The following LGR6 variants were observed in gnomAD, a reference collection of about 807,000 sequenced individuals.
LGR6 encodes leucine-rich repeat-containing G protein-coupled receptor 6.
LGR6 carries 45 observed loss-of-function variants against 69.4 expected under a neutral mutation model. That is an observed-to-expected ratio of 0.65 (90% CI 0.51 to 0.83). The LOEUF is 0.83. Among genes scored for constraint, LGR6 ranks in the 40% least tolerant of loss-of-function variants. The probability of loss-of-function intolerance (pLI) is 0.00; values close to 1 mark genes in which losing one functional copy is unlikely to be tolerated. For synonymous variants in LGR6, 538 were observed against 555.0 expected (o/e 0.97, Z 0.43); for missense variants, 1,108 against 1,246.7 (o/e 0.89, Z 1.68).
chr1:202,212,536 G>T (rs1220688361), intron 1 of LGR6, among the ~76,000 whole-genome samples: 2 of 152,192 alleles, frequency 1.3e-5, no homozygotes, highest in African/African-American at 4.8e-5. Context: ...GGCTCTAGGG[G>T]AGAACCCACT....
intron 6 of LGR6, chr1:202,281,065 C>G (rs1173855401): frequency 1.8e-6 from 1 of 546,298 alleles, no homozygotes; most frequent in Non-Finnish European, 3.2e-6. Flanking sequence ...AGAATGTGCC[C>G]TCTGGGAGTT....
intron 17 of LGR6, among the ~76,000 whole-genome samples, chr1:202,316,914 G>A (rs755637068): frequency 2.0e-5 from 3 of 152,140 alleles, no homozygotes; most frequent in Non-Finnish European, 4.4e-5. Context: ...AGGATCTCAC[G>A]CATCTCGTGT....
chr1:202,237,676 T>C (rs534729481), intron 4 of LGR6, among the ~76,000 whole-genome samples: 2 of 152,304 alleles, frequency 1.3e-5, no homozygotes, highest in East Asian at 3.9e-4. Context: ...ACCAGACCAT[T>C]AGCTTCCACT....
At chr1:202,279,867 A>G (rs538443202) in intron 5 of LGR6, among the ~76,000 whole-genome samples, 1 of 152,328 alleles carries the variant, frequency 6.6e-6, no homozygotes, top group East Asian at 1.9e-4. Context: ...CAAGTGATGT[A>G]GTGTTGGTCC....
At chr1:202,241,576 A>G (rs1426216658) in intron 4 of LGR6, among the ~76,000 whole-genome samples, 2 of 152,262 alleles carry the variant, frequency 1.3e-5, no homozygotes. Flanking sequence ...GAGAATGGCC[A>G]TGCCAGACAT....
chr1:202,285,882 T>C (rs1167188040), intron 6 of LGR6, among the ~76,000 whole-genome samples: 2 of 152,226 alleles, frequency 1.3e-5, no homozygotes, highest in Admixed American at 1.3e-4. Flanking sequence ...TTAGCAGGGA[T>C]GGTGCCTTCT....
At chr1:202,261,318 G>A (rs1293937028) in intron 4 of LGR6, among the ~76,000 whole-genome samples, 1 of 143,900 alleles carries the variant, frequency 6.9e-6, no homozygotes. Context: ...CCATCCATGA[G>A]TAAGAACATG....
intron 17 of LGR6, among the ~76,000 whole-genome samples, chr1:202,316,193 A>G (rs559419635): frequency 3.5e-4 from 54 of 152,306 alleles, no homozygotes; most frequent in African/African-American, 1.3e-3. Flanking sequence ...TAAAGGAAAG[A>G]GTTTTGTTTG....
At chr1:202,243,410 C>A (rs1300979288) in intron 4 of LGR6, among the ~76,000 whole-genome samples, 2 of 152,246 alleles carry the variant, frequency 1.3e-5, no homozygotes, top group East Asian at 1.9e-4. Context: ...TTGATCAGCA[C>A]CCCCAGAGAG....
intron 1 of LGR6, chr1:202,203,692 C>T (rs893421039): frequency 1.1e-6 from 1 of 910,222 alleles, no homozygotes; most frequent in Non-Finnish European, 1.7e-6. Context: ...GAAATACACC[C>T]AGGCAGGGCC....
chr1:202,232,799 C>G (rs11799896), intron 3 of LGR6, among the ~76,000 whole-genome samples: 1 of 152,168 alleles, frequency 6.6e-6, no homozygotes, highest in Non-Finnish European at 1.5e-5. Flanking sequence ...AGCATTGGCC[C>G]GAGAGACAGG....
At chr1:202,270,636 T>C (rs1317960077) in intron 4 of LGR6, among the ~76,000 whole-genome samples, 3 of 152,216 alleles carry the variant, frequency 2.0e-5, no homozygotes, top group Non-Finnish European at 2.9e-5. Context: ...CGAGTGAGGC[T>C]GGAAGGCTCC....
intron 4 of LGR6, among the ~76,000 whole-genome samples, chr1:202,237,376 G>C (rs879263893): frequency 6.6e-6 from 1 of 152,250 alleles, no homozygotes; most frequent in Non-Finnish European, 1.5e-5. Flanking sequence ...GGGCACCAGC[G>C]CAGCAGGGAC....
intron 1 of LGR6, among the ~76,000 whole-genome samples, chr1:202,196,826 G>T (rs1262630418): frequency 6.6e-6 from 1 of 152,144 alleles, no homozygotes; most frequent in African/African-American, 2.4e-5. Flanking sequence ...GGAATGGTTT[G>T]TGGCTGGAGG....
At chr1:202,278,902 G>A (rs776576579) in intron 5 of LGR6, among the ~76,000 whole-genome samples, 1 of 152,174 alleles carries the variant, frequency 6.6e-6, no homozygotes, top group African/African-American at 2.4e-5. Flanking sequence ...TAGGTAGCAC[G>A]TAGCTGGACA....
intron 4 of LGR6, among the ~76,000 whole-genome samples, chr1:202,261,817 C>T (rs1377725345): frequency 6.6e-6 from 1 of 152,186 alleles, no homozygotes; most frequent in East Asian, 1.9e-4. Flanking sequence ...TTTTGATTTG[C>T]ATTTCTCTGA....
rs114678559 is a variant in LGR6, at chr1:202,218,946, C to T, written c.213-6477C>T. Among the ~76,000 whole-genome samples the T allele has an allele frequency of 8.6e-3, 1,311 of 152,282 alleles. 8 individuals are homozygous for T. Among genetic ancestry groups the T allele is most frequent in the Middle Eastern group, 0.024 (7 of 294 alleles). ...ATTGTCAACTCCTTGATGGCCCAGACCTTGTCCTGGGCTTTGTCTCCATCT... is the reference window on the plus strand; with the variant it reads ...ATTGTCAACTCCTTGATGGCCCAGATCTTGTCCTGGGCTTTGTCTCCATCT... On this transcript the variant is annotated intron_variant, in intron 1 of 17. Coordinates refer to ENST00000367278, the MANE Select transcript of LGR6 (RefSeq NM_001017403.2).
chr1:202,233,884 G>A (rs1008312591), intron 3 of LGR6, among the ~76,000 whole-genome samples: 1 of 152,124 alleles, frequency 6.6e-6, no homozygotes, highest in African/African-American at 2.4e-5. Context: ...GAAAACTAAG[G>A]CCCGCGGTTC....
intron 1 of LGR6, among the ~76,000 whole-genome samples, chr1:202,197,730 A>G (rs1018389977): frequency 6.6e-6 from 1 of 152,234 alleles, no homozygotes; most frequent in Non-Finnish European, 1.5e-5. Flanking sequence ...CTACAAAAGT[A>G]TCACCTCTTG....
Sources: allele counts gnomAD v4.1 joint callset (sites outside exome capture counted in the v4.1 genomes callset), GRCh38; gene constraint gnomAD v4.1.1; transcripts MANE v1.5; gene names NCBI Gene and HGNC (gene_info 2026-07-23, HGNC 2026-07-21).